Variants in BRWD3 observed in about 807,000 individuals in gnomAD.
The protein encoded by BRWD3 is bromodomain and WD repeat-containing protein 3.
BRWD3 carries 10 observed loss-of-function variants against 149.7 expected under a neutral mutation model. The observed-to-expected ratio is 0.07, with a 90% confidence interval of 0.04 to 0.11. The LOEUF is 0.11. Among genes scored for constraint, BRWD3 ranks in the 10% least tolerant of loss-of-function variants. The pLI, the probability that BRWD3 is intolerant of heterozygous loss-of-function variation, is 1.00. For missense variants in BRWD3, 940 were observed against 1,373.2 expected (o/e 0.68, Z 4.99); for synonymous variants, 504 against 456.7 (o/e 1.10, Z -1.32).
At chrX:80,758,566 T>A (rs2147809737) in intron 6 of BRWD3, among the ~76,000 whole-genome samples, 1 of 111,444 alleles carries the variant, frequency 9.0e-6, no homozygotes. Flanking sequence ...GCTGCTCTAA[T>A]TAGGGGAGAC....
intron 12 of BRWD3, 50 bp from the exon 13 acceptor site, chrX:80,730,070 CT>C (rs35140864): frequency 7.1e-5 from 64 of 900,077 alleles, no homozygotes; most frequent in South Asian, 1.2e-4. Flanking sequence ...ATGTAAATCA[CT>C]TTTTTTTGAT....
intron 11 of BRWD3, among the ~76,000 whole-genome samples, 164 bp downstream of exon 11, chrX:80,733,954 C>T (rs922342623): frequency 9.0e-6 from 1 of 110,851 alleles, no homozygotes; most frequent in Non-Finnish European, 1.9e-5. Context: ...AATAATTAAC[C>T]CATACTTTTA....
chrX:80,764,405 A>G (rs1054173015), intron 6 of BRWD3, among the ~76,000 whole-genome samples: 3 of 111,274 alleles, frequency 2.7e-5, no homozygotes, highest in Non-Finnish European at 5.7e-5. Context: ...ACCTGGGTTC[A>G]AGTGATTCTC....
At chrX:80,694,287 A>G (rs1286979834) in intron 27 of BRWD3, among the ~76,000 whole-genome samples, 2 of 111,731 alleles carry the variant, frequency 1.8e-5, no homozygotes, top group African/African-American at 6.5e-5. Context: ...ATGTATGGAA[A>G]TGCCTGGATA....
chrX:80,682,725 A>ATTTTGTCTGTAATG, intron 37 of BRWD3, 97 bp from the exon 38 acceptor site: 1 of 824,021 alleles, frequency 1.2e-6, no homozygotes, highest in Non-Finnish European at 1.7e-6. Context: ...CATTACAGAC[A>ATTTTGTCTGTAATG]AAATATCTGT....
intron 6 of BRWD3, among the ~76,000 whole-genome samples, chrX:80,755,669 A>T (rs1462380328): frequency 8.9e-6 from 1 of 112,012 alleles, no homozygotes; most frequent in Non-Finnish European, 1.9e-5. Context: ...AAAAACAGTT[A>T]CATATATAAA....
chrX:80,718,311 C>A (rs1335417872), intron 18 of BRWD3, among the ~76,000 whole-genome samples: 1 of 111,849 alleles, frequency 8.9e-6, no homozygotes, highest in Admixed American at 9.5e-5. Context: ...TGTTATTTTT[C>A]TTATATTTAC....
chrX:80,777,567 T>C (rs1344933085), intron 6 of BRWD3, among the ~76,000 whole-genome samples: 1 of 109,911 alleles, frequency 9.1e-6, no homozygotes, highest in African/African-American at 3.3e-5. Flanking sequence ...TAATTTTTTA[T>C]TGTTTAATTT....
chrX:80,708,987 A>G (rs763822630), intron 21 of BRWD3, among the ~76,000 whole-genome samples: 1 of 112,220 alleles, frequency 8.9e-6, no homozygotes, highest in Non-Finnish European at 1.9e-5. Context: ...CATTACCATG[A>G]AAAAGGTAGG....
intron 6 of BRWD3, among the ~76,000 whole-genome samples, chrX:80,759,243 C>T (rs1043143473): frequency 8.9e-6 from 1 of 111,923 alleles, no homozygotes; most frequent in African/African-American, 3.2e-5. Flanking sequence ...TGCACAAACA[C>T]CTGTTGAATA....
chrX:80,743,505 G>A (rs1173174911), intron 8 of BRWD3, among the ~76,000 whole-genome samples: 4 of 111,366 alleles, frequency 3.6e-5, no homozygotes, highest in Non-Finnish European at 7.5e-5. Context: ...GGTAGAATTC[G>A]GCTGTGAATC....
intron 6 of BRWD3, among the ~76,000 whole-genome samples, chrX:80,768,604 C>T (rs778828235): frequency 3.4e-4 from 38 of 111,517 alleles, no homozygotes; most frequent in South Asian, 1.5e-3. Context: ...AAGAAACAAC[C>T]GGTACCAGCC....
intron 4 of BRWD3, among the ~76,000 whole-genome samples, chrX:80,801,686 C>A (rs1475445166): frequency 1.8e-5 from 2 of 108,308 alleles, no homozygotes; most frequent in South Asian, 4.2e-4. Context: ...ACTAAAAATA[C>A]AAAAAATTAC....
At chrX:80,787,694 G>A (rs2074125580) in intron 6 of BRWD3, among the ~76,000 whole-genome samples, 1 of 111,621 alleles carries the variant, frequency 9.0e-6, no homozygotes, top group Admixed American at 9.6e-5. Flanking sequence ...AAATCTCTGT[G>A]AGCATGAGTT....
At chrX:80,776,492 CATTT>C (rs2074001644) in intron 6 of BRWD3, among the ~76,000 whole-genome samples, 1 of 111,427 alleles carries the variant, frequency 9.0e-6, no homozygotes, top group African/African-American at 3.3e-5. Context: ...GCTTTTGAAA[CATTT>C]ATAAGACTAC....
rs141681165 is a variant in BRWD3 at position 80,693,608 on chromosome X, C to T, written c.3152-557G>A. On this transcript the variant is annotated intron_variant, in intron 27 of 40. Coordinates refer to ENST00000373275, the MANE Select transcript of BRWD3 (RefSeq NM_153252.5). ...ACTTATTGGGAACTAGAGTAAAGGTCACTCATGCTATGCTATAATAAAGAC... is the reference window on the plus strand; with the variant it reads ...ACTTATTGGGAACTAGAGTAAAGGTTACTCATGCTATGCTATAATAAAGAC... Among the ~76,000 whole-genome samples the T allele has an allele frequency of 2.4e-3, 266 of 111,748 alleles. 1 individual carries two copies. Among genetic ancestry groups the T allele is most frequent in the African/African-American group, 8.3e-3 (257 of 30,787 alleles).
rs1378468222 is a variant in BRWD3, at chrX:80,672,818, G to T, written c.*3791C>A. On this transcript the variant is annotated 3_prime_UTR_variant, in exon 41 of 41. Transcript: ENST00000373275. ...TGTTACTGTAATTGTTTAAAAGGCT[G>T]GACAGCAAAGTATACTGAAAATTAT... 1 of 111,570 alleles carries T rather than the reference G, an allele frequency of 9.0e-6. No homozygotes were observed. Among genetic ancestry groups the T allele is most frequent in the Non-Finnish European group, 1.9e-5 (1 of 53,093 alleles). The allele number at this position is 111,570 out of a possible 1,213,427, so 9.2% of individuals were successfully genotyped here.
intron 9 of BRWD3, 70 bp downstream of exon 9, chrX:80,735,918 G>T: frequency 3.1e-6 from 2 of 647,582 alleles, no homozygotes; most frequent in Non-Finnish European, 4.9e-6. Flanking sequence ...TAAATACATG[G>T]ACTATTAAGA....
Position 80,692,991 on chromosome X carries a change from T to A in BRWD3, c.3212A>T (p.Gln1071Leu). The A allele has an allele frequency of 8.3e-7, 1 of 1,211,566 alleles. No homozygotes were observed. The highest frequency in any genetic ancestry group is 1.1e-6 in the Non-Finnish European group (1 of 895,097). ...AWWFGTVESQQPFQPEYPDSS... is the reference protein window; with the variant it reads ...AWWFGTVESQLPFQPEYPDSS... ...ATCAGGATACTCTGGTTGAAAAGGC[T>A]GCTGACTCTCCACAGTCCCAAACCA... Residue 1071 changes from glutamine to leucine, a missense_variant, in exon 28 of 41, where the codon CAG (glutamine) becomes CTG (leucine). Gln to Leu is a moderately radical substitution (Grantham distance 113). This residue lies in a region of BRWD3 where 158 missense variants were observed against 284.0 expected (regional missense o/e 0.56). Transcript: ENST00000373275.
Sources: allele counts gnomAD v4.1 joint callset (sites outside exome capture counted in the v4.1 genomes callset), GRCh38; gene constraint gnomAD v4.1.1; regional missense constraint gnomAD v4.1.1; transcripts MANE v1.5; gene names NCBI Gene and HGNC (gene_info 2026-07-23, HGNC 2026-07-21).